Variants in BDNF observed in about 807,000 individuals in gnomAD.
BDNF encodes the protein brain derived neurotrophic factor, also known as neurotrophic factor BDNF precursor form.
A neutral mutation model predicts 19.5 loss-of-function variants in BDNF; 1 was observed. The observed-to-expected ratio is 0.05, with a 90% CI of 0.02 to 0.24. The LOEUF (loss-of-function observed/expected upper bound fraction) is 0.24, where lower values mean the gene tolerates loss of function less well. BDNF is among the 10% of genes least tolerant of loss of function. BDNF has a pLI of 1.00. For missense variants in BDNF, 195 were observed against 317.6 expected, an observed-to-expected ratio of 0.61 and a Z score of 2.93; for synonymous variants, 100 against 121.6, an observed-to-expected ratio of 0.82 and a Z score of 1.17.
chr11:27,674,944 T>C (rs1855884273), intron 1 of BDNF: 5 of 882,606 alleles, frequency 5.7e-6, no homozygotes, highest in South Asian at 5.2e-5. Flanking sequence ...CTAACATTTA[T>C]TAATGGTGAG....
intron 1 of BDNF, among the ~76,000 whole-genome samples, chr11:27,718,354 A>ACCCCCCCCCCCCCCC (rs376255605): frequency 2.4e-4 from 24 of 101,102 alleles, no homozygotes; most frequent in South Asian, 4.2e-4. Flanking sequence ...TCCGCACACC[A>ACCCCCCCCCCCCCCC]CCCCCCCCCG....
upstream of BDNF, among the ~76,000 whole-genome samples, chr11:27,702,594 AAC>A (rs1227008153): frequency 6.6e-6 from 1 of 152,210 alleles, no homozygotes; most frequent in East Asian, 1.9e-4. Context: ...AAGATTTATA[AAC>A]AGTTTCCTTT....
intron 1 of BDNF, among the ~76,000 whole-genome samples, chr11:27,688,487 C>T (rs573552894): frequency 7.2e-5 from 11 of 152,222 alleles, no homozygotes; most frequent in Non-Finnish European, 1.6e-4. Context: ...AACTGGGTGT[C>T]TGCCCAAATG....
chr11:27,710,642 C>G (rs1212514586), intron 1 of BDNF, among the ~76,000 whole-genome samples: 4 of 152,228 alleles, frequency 2.6e-5, no homozygotes, highest in Non-Finnish European at 5.9e-5. Context: ...CCATCCTCTT[C>G]TTCTCCATAT....
At chr11:27,718,072 T>C (rs1489118943) in intron 1 of BDNF, among the ~76,000 whole-genome samples, 1 of 152,150 alleles carries the variant, frequency 6.6e-6, no homozygotes, top group African/African-American at 2.4e-5. Context: ...GATGCATTCA[T>C]TTGAAGCCCT....
intron 1 of BDNF, chr11:27,719,582 A>C (rs1860667379): frequency 1.0e-6 from 1 of 985,242 alleles, no homozygotes; most frequent in African/African-American, 1.7e-5. Context: ...TCCCTTGAGA[A>C]AGCGGGAACC....
intron 1 of BDNF, chr11:27,659,369 G>C (rs1390509861): frequency 9.0e-6 from 9 of 1,000,188 alleles, no homozygotes; most frequent in African/African-American, 1.7e-5. Flanking sequence ...TTTCTAAACA[G>C]AAATCATTTT....
chr11:27,669,911 TAAAGTTCATATGGAACCAAA>T (rs1855049197), intron 1 of BDNF, among the ~76,000 whole-genome samples: 1 of 152,064 alleles, frequency 6.6e-6, no homozygotes, highest in African/African-American at 2.4e-5. Context: ...AAAACTACTT[TAAAGTTCATATGGAACCAAA>T]AAAGAGCCCG....
At chr11:27,707,638 C>T (rs537909984) in intron 1 of BDNF, among the ~76,000 whole-genome samples, 48 of 152,230 alleles carry the variant, frequency 3.2e-4, no homozygotes, top group South Asian at 1.0e-3. Flanking sequence ...GATGCTGATA[C>T]AGAAGAATAG....
chr11:27,708,132 C>T (rs970113770), intron 1 of BDNF, among the ~76,000 whole-genome samples: 1 of 152,188 alleles, frequency 6.6e-6, no homozygotes, highest in African/African-American at 2.4e-5. Context: ...ATGAGCCAAA[C>T]ATATGACCAT....
intron 1 of BDNF, among the ~76,000 whole-genome samples, chr11:27,672,097 G>T (rs929641684): frequency 7.9e-5 from 12 of 152,026 alleles, no homozygotes; most frequent in Admixed American, 2.6e-4. Context: ...CTTTGCTTTT[G>T]TGTTTTTACT....
At chr11:27,700,554 C>G (rs1335629504), upstream of BDNF, 1 of 928,742 alleles carries the variant, frequency 1.1e-6, no homozygotes, top group East Asian at 1.3e-4. Context: ...CCCCGCTCCC[C>G]GCTCGCCCGC....
intron 1 of BDNF, among the ~76,000 whole-genome samples, chr11:27,691,506 CAAG>C (rs557888788): frequency 1.5e-3 from 226 of 152,262 alleles, no homozygotes; most frequent in Middle Eastern, 6.8e-3. Flanking sequence ...AACATACACG[CAAG>C]AACACATACA....
At chr11:27,719,280 C>T (rs1041514506) in intron 1 of BDNF, among the ~76,000 whole-genome samples, 1 of 152,216 alleles carries the variant, frequency 6.6e-6, no homozygotes, top group African/African-American at 2.4e-5. Flanking sequence ...TAGCCGGCCG[C>T]CCTCCACCGG....
At chr11:27,702,905 C>T (rs41274442), upstream of BDNF, among the ~76,000 whole-genome samples, 1 of 152,168 alleles carries the variant, frequency 6.6e-6, no homozygotes, top group Admixed American at 6.5e-5. Flanking sequence ...TCCCCCACCC[C>T]CTAAGTGAAG....
chr11:27,710,318 T>C (rs978679288), intron 1 of BDNF, among the ~76,000 whole-genome samples: 4 of 152,182 alleles, frequency 2.6e-5, no homozygotes, highest in Non-Finnish European at 5.9e-5. Flanking sequence ...TAGGAGGTGC[T>C]CTCTAGGAGG....
intron 1 of BDNF, among the ~76,000 whole-genome samples, chr11:27,671,689 T>TA (rs759490222): frequency 5.9e-5 from 9 of 152,136 alleles, no homozygotes; most frequent in Non-Finnish European, 1.2e-4. Context: ...GGGATAAACT[T>TA]ACACAGGCTG....
intron 1 of BDNF, chr11:27,674,366 A>G (rs1156827043): frequency 2.1e-5 from 32 of 1,514,036 alleles, no homozygotes; most frequent in Non-Finnish European, 2.6e-5. Context: ...GAAAGTGCTC[A>G]TTACTTGTAG....
chr11:27,661,364 T>A (rs1590232891), intron 1 of BDNF, among the ~76,000 whole-genome samples: 2 of 152,156 alleles, frequency 1.3e-5, no homozygotes, highest in African/African-American at 4.8e-5. Flanking sequence ...AGGCATAGGA[T>A]AGAAATCCTG....
Sources: gnomAD v4.1 joint callset for allele counts (sites outside exome capture counted in the v4.1 genomes callset) on GRCh38, gnomAD v4.1.1 for gene constraint, MANE v1.5 for transcripts, NCBI Gene and HGNC (gene_info 2026-07-23, HGNC 2026-07-21) for gene names.